Variants in SLC39A11 observed in about 807,000 individuals in gnomAD.
The protein encoded by SLC39A11 is solute carrier family 39 member 11.
A neutral mutation model predicts 36.1 loss-of-function variants in SLC39A11; 33 were observed. The ratio of observed to expected loss-of-function variants is 0.91; its 90% CI spans 0.69 to 1.22. SLC39A11 has a LOEUF of 1.22. Ranked by LOEUF, SLC39A11 falls within the 50% of genes most tolerant of loss-of-function variation. SLC39A11 has a pLI of 0.00. For synonymous variants in SLC39A11, 166 were observed against 170.3 expected, an observed-to-expected ratio of 0.97 and a Z score of 0.20; for missense variants, 432 against 430.3, an observed-to-expected ratio of 1.00 and a Z score of -0.03.
chr17:72,859,746 T>C (rs940370325), intron 5 of SLC39A11, among the ~76,000 whole-genome samples: 3 of 147,254 alleles, frequency 2.0e-5, no homozygotes, highest in African/African-American at 7.6e-5. Context: ...AAAATATTTA[T>C]TATGGGCCAA....
At chr17:72,827,878 G>C (rs2078097953) in intron 6 of SLC39A11, among the ~76,000 whole-genome samples, 1 of 152,232 alleles carries the variant, frequency 6.6e-6, no homozygotes, top group South Asian at 2.1e-4. Context: ...CTGTGGGACA[G>C]GTGCCCAAGT....
chr17:72,864,558 C>CTT (rs2080207027), intron 5 of SLC39A11, among the ~76,000 whole-genome samples: 1 of 152,102 alleles, frequency 6.6e-6, no homozygotes, highest in African/African-American at 2.4e-5. Context: ...TTCTGAACAC[C>CTT]ATAGATACAC....
chr17:72,914,555 A>C (rs2083224857), intron 5 of SLC39A11, among the ~76,000 whole-genome samples: 1 of 152,070 alleles, frequency 6.6e-6, no homozygotes, highest in East Asian at 1.9e-4. Flanking sequence ...CCTGGAACTA[A>C]TACCCCATAG....
chr17:72,735,601 T>C (rs1010503473), intron 7 of SLC39A11, among the ~76,000 whole-genome samples: 3 of 152,190 alleles, frequency 2.0e-5, no homozygotes, highest in Non-Finnish European at 4.4e-5. Flanking sequence ...TACCTTTAGA[T>C]AGTGCGCGTG....
At chr17:72,676,135 A>G (rs2071252135) in intron 7 of SLC39A11, among the ~76,000 whole-genome samples, 1 of 151,830 alleles carries the variant, frequency 6.6e-6, no homozygotes, top group East Asian at 1.9e-4. Flanking sequence ...CTTTTTTTCA[A>G]ATAAAATGGT....
chr17:73,047,990 A>AAAATATAT (rs1555693446), intron 3 of SLC39A11, among the ~76,000 whole-genome samples: 1 of 58,700 alleles, frequency 1.7e-5, no homozygotes, highest in Non-Finnish European at 3.0e-5. Flanking sequence ...AAAAAAAAAA[A>AAAATATAT]ATATATATAT....
intron 4 of SLC39A11, among the ~76,000 whole-genome samples, chr17:72,967,838 T>C (rs1348945749): frequency 6.6e-6 from 1 of 152,176 alleles, no homozygotes; most frequent in Non-Finnish European, 1.5e-5. Context: ...AGGGATCAAC[T>C]AGGGAGGTTA....
intron 4 of SLC39A11, among the ~76,000 whole-genome samples, chr17:72,953,798 T>A (rs533798435): frequency 6.6e-6 from 1 of 152,348 alleles, no homozygotes; most frequent in Admixed American, 6.5e-5. Context: ...TTTCTGGCTC[T>A]TCCTCACTGG....
chr17:72,979,963 G>A (rs1040665049), intron 4 of SLC39A11, among the ~76,000 whole-genome samples: 8 of 151,934 alleles, frequency 5.3e-5, no homozygotes, highest in African/African-American at 1.5e-4. Flanking sequence ...CTTCTCCCAC[G>A]ACTTGCTGCT....
In SLC39A11 at chr17:72,922,045, C is replaced by A. The variant is rs765270098; in HGVS notation, c.430+25707G>T. Among the ~76,000 whole-genome samples the A allele has an allele frequency of 3.3e-5, 5 of 152,158 alleles. No individual in the cohort carries two copies. The South Asian group carries it at 1.0e-3, about 32-fold the overall frequency. ...GCCAGAATTCCAAGGTGAGTTCCAACCTAGGTCTGTCTGAAAGCCTCCACA... is the reference window on the plus strand; with the variant it reads ...GCCAGAATTCCAAGGTGAGTTCCAAACTAGGTCTGTCTGAAAGCCTCCACA... On this transcript the variant is annotated intron_variant, in intron 5 of 9. Transcript: ENST00000255559.
rs142354431 is a variant in SLC39A11, at chr17:73,031,659, G to A, written c.203C>T (p.Thr68Met). 32 of 1,614,040 alleles carry A rather than the reference G, an allele frequency of 2.0e-5. 1 individual carries two copies. Among genetic ancestry groups the A allele is most frequent in the African/African-American group, 6.7e-5 (5 of 74,908 alleles). The change falls in exon 4 of 10, where the codon ACG becomes ATG. Residue 68 changes from threonine to methionine, a missense_variant. Thr to Met is a moderately conservative substitution (Grantham distance 81, BLOSUM62 -1). Transcript: ENST00000255559. ...AAAGGCACCGAAGCCCCCAGAGGACGTGGCCATCTCAACTGCTGGGGCCAG... is the reference window on the plus strand; with the variant it reads ...AAAGGCACCGAAGCCCCCAGAGGACATGGCCATCTCAACTGCTGGGGCCAG... ...SLLAPAVEMATSSGGFGAFAF... is the reference protein window; with the variant it reads ...SLLAPAVEMAMSSGGFGAFAF...
intron 3 of SLC39A11, among the ~76,000 whole-genome samples, chr17:73,078,442 G>T (rs2060400709): frequency 6.6e-6 from 1 of 151,850 alleles, no homozygotes; most frequent in South Asian, 2.1e-4. Flanking sequence ...TAGGTAGATA[G>T]ATTTGTTTAA....
chr17:72,859,673 C>T (rs138742245), intron 5 of SLC39A11, among the ~76,000 whole-genome samples: 3 of 150,996 alleles, frequency 2.0e-5, no homozygotes, highest in East Asian at 2.0e-4. Context: ...ACATGGGCCA[C>T]GTGTAGCCCA....
chr17:72,910,926 CAAAAAAAAAAAA>C (rs199741291), intron 5 of SLC39A11, among the ~76,000 whole-genome samples: 1 of 112,004 alleles, frequency 8.9e-6, no homozygotes, highest in Non-Finnish European at 1.8e-5. Flanking sequence ...GACTCCACCT[CAAAAAAAAAAAA>C]AAAAAAAAAA....
chr17:72,774,801 T>C (rs1264799743), intron 6 of SLC39A11, among the ~76,000 whole-genome samples: 2 of 152,158 alleles, frequency 1.3e-5, no homozygotes, highest in Non-Finnish European at 2.9e-5. Flanking sequence ...GCTACATACA[T>C]TTGCCATTTA....
chr17:72,914,331 G>A (rs1033310617), intron 5 of SLC39A11, among the ~76,000 whole-genome samples: 4 of 146,656 alleles, frequency 2.7e-5, no homozygotes, highest in Non-Finnish European at 4.6e-5. Context: ...AAAAAAAAAA[G>A]AAAAAAGAAT....
At chr17:72,960,827 CA>C (rs144802846) in intron 4 of SLC39A11, among the ~76,000 whole-genome samples, 18 of 141,856 alleles carry the variant, frequency 1.3e-4, no homozygotes, top group South Asian at 4.6e-4. Flanking sequence ...AAACAAACAA[CA>C]AAAAAAAAAC....
chr17:72,876,900 T>C (rs555158096), intron 5 of SLC39A11, among the ~76,000 whole-genome samples: 6 of 152,196 alleles, frequency 3.9e-5, no homozygotes, highest in Non-Finnish European at 8.8e-5. Flanking sequence ...ACCAAACCCC[T>C]GGTTTCAGTA....
chr17:73,080,830 A>C (rs2060483935), intron 3 of SLC39A11, among the ~76,000 whole-genome samples: 1 of 152,078 alleles, frequency 6.6e-6, no homozygotes, highest in Admixed American at 6.6e-5. Context: ...CTGTAGTCCC[A>C]GCTACTTGGG....
Sources: gnomAD v4.1 joint callset for allele counts (sites outside exome capture counted in the v4.1 genomes callset) on GRCh38, gnomAD v4.1.1 for gene constraint, MANE v1.5 for transcripts, NCBI Gene and HGNC (gene_info 2026-07-23, HGNC 2026-07-21) for gene names.